The following CWH43 variants were observed in gnomAD, a reference collection of about 807,000 sequenced individuals.
CWH43 encodes the protein cell wall biogenesis 43 C-terminal homolog.
In CWH43, 91 loss-of-function variants were observed where a neutral mutation model predicts 85.7. That is an observed-to-expected ratio of 1.06 (90% CI 0.90 to 1.26). The LOEUF (loss-of-function observed/expected upper bound fraction) is 1.26. Ranked by LOEUF, CWH43 falls within the 50% of genes most tolerant of loss-of-function variation. The probability of loss-of-function intolerance (pLI) is 0.00; values close to 1 mark genes in which losing one functional copy is unlikely to be tolerated. For missense variants in CWH43, 869 were observed against 839.2 expected, an observed-to-expected ratio of 1.04 and a Z score of -0.44; for synonymous variants, 323 against 293.6, an observed-to-expected ratio of 1.10 and a Z score of -1.02.
In CWH43 at chr4:49,037,545, G is replaced by A. The variant is rs1489475862; in HGVS notation, c.1659-491G>A. Among the ~76,000 whole-genome samples, 12 of 151,114 alleles carry A rather than the reference G, an allele frequency of 7.9e-5. 1 individual carries two copies. Among genetic ancestry groups the A allele is most frequent in the South Asian group, 6.4e-4 (3 of 4,720 alleles). Reference sequence around the variant, plus strand: ...AGATTGTGCCATTGCACTCCAGTCCGGGTGTCAGTGTGAGACTCTGTCTCA... The same window carrying A: ...AGATTGTGCCATTGCACTCCAGTCCAGGTGTCAGTGTGAGACTCTGTCTCA... On this transcript the variant is annotated intron_variant, in intron 12 of 15. Transcript: ENST00000226432.
chr4:48,995,210 A>G (rs1393701312), intron 5 of CWH43, among the ~76,000 whole-genome samples: 1 of 152,172 alleles, frequency 6.6e-6, no homozygotes. Flanking sequence ...GGATAAGACC[A>G]CAGTCCCCTG....
At chr4:49,036,585 A>G (rs1465172536) in intron 12 of CWH43, among the ~76,000 whole-genome samples, 3 of 152,116 alleles carry the variant, frequency 2.0e-5, no homozygotes. Context: ...TTCCCCCTTA[A>G]CACTCATGTA....
intron 14 of CWH43, 54 bp downstream of exon 14, chr4:49,044,901 GGTCT>G: frequency 6.9e-7 from 1 of 1,459,242 alleles, no homozygotes; most frequent in Non-Finnish European, 9.5e-7. Flanking sequence ...TGATCTTTTG[GGTCT>G]GTCTGAGAAG....
rs149632580 is a variant in CWH43, at chr4:49,039,651, G to A, written c.1803+1471G>A. 4.5e-3 allele frequency among the ~76,000 whole-genome samples: 674 copies of A among 151,322 alleles called. 4 individuals are homozygous for A. Among genetic ancestry groups the A allele is most frequent in the South Asian group, 0.01 (50 of 4,792 alleles). On this transcript the variant is annotated intron_variant, in intron 13 of 15. Coordinates refer to ENST00000226432, the MANE Select transcript of CWH43 (RefSeq NM_025087.3). ...GGGTGTAACATTATTTACAGAGTTTGGATGACAGGTTAAAGAGCATGGCAT... is the reference window on the plus strand; with the variant it reads ...GGGTGTAACATTATTTACAGAGTTTAGATGACAGGTTAAAGAGCATGGCAT...
At chr4:49,008,809 C>T (rs1783252305) in intron 8 of CWH43, among the ~76,000 whole-genome samples, 1 of 152,024 alleles carries the variant, frequency 6.6e-6, no homozygotes, top group Non-Finnish European at 1.5e-5. Flanking sequence ...ATTTCTGAGG[C>T]CTCTGTTCTG....
chr4:49,059,851 G>A (rs1308315744), intron 15 of CWH43, among the ~76,000 whole-genome samples: 1 of 152,132 alleles, frequency 6.6e-6, no homozygotes, highest in Non-Finnish European at 1.5e-5. Context: ...GGGTAGATGT[G>A]TGGGGTTAGG....
rs1451722751 is a variant in CWH43, at chr4:49,060,220, TG to T, written c.2022-1589del. 5.9e-5 allele frequency among the ~76,000 whole-genome samples: 9 copies of T among 151,956 alleles called. No individual in the cohort carries two copies. The South Asian group carries it at 1.5e-3, about 25-fold the overall frequency. ...CTAGCACCAGGTTGGGCTTGGAGCC[TG>T]GGTCTGTGGGTATTGCTCTGGAGGC... On this transcript the variant is annotated intron_variant, in intron 15 of 15. Transcript: ENST00000226432.
chr4:49,026,742 T>A (rs1477926218), intron 9 of CWH43, among the ~76,000 whole-genome samples: 1 of 152,214 alleles, frequency 6.6e-6, no homozygotes, highest in African/African-American at 2.4e-5. Flanking sequence ...CTGAGTAGTA[T>A]CCCATGGTGT....
chr4:48,993,121 A>T (rs1782708508), intron 4 of CWH43, among the ~76,000 whole-genome samples: 1 of 152,162 alleles, frequency 6.6e-6, no homozygotes, highest in African/African-American at 2.4e-5. Context: ...CCTGGCTGGC[A>T]GTCCCTTCCT....
chr4:49,017,875 G>A (rs770965409), intron 9 of CWH43, among the ~76,000 whole-genome samples: 31 of 151,624 alleles, frequency 2.0e-4, no homozygotes, highest in Admixed American at 1.3e-3. Context: ...TCACTCTGCC[G>A]CCCGGCTGGA....
At chr4:49,009,269 C>G (rs1413226231) in intron 8 of CWH43, among the ~76,000 whole-genome samples, 4 of 152,068 alleles carry the variant, frequency 2.6e-5, no homozygotes, top group African/African-American at 4.8e-5. Context: ...TGATTTGGCT[C>G]TCTGTTTGTC....
chr4:49,061,409 CAA>C (rs1055163757), intron 15 of CWH43, among the ~76,000 whole-genome samples: 21 of 152,280 alleles, frequency 1.4e-4, no homozygotes, highest in African/African-American at 5.1e-4. Flanking sequence ...TATTCATGTG[CAA>C]AGAGTTAATC....
At chr4:48,997,968 A>G (rs1030419571) in intron 5 of CWH43, among the ~76,000 whole-genome samples, 3 of 152,166 alleles carry the variant, frequency 2.0e-5, no homozygotes, top group African/African-American at 7.2e-5. Context: ...ACTTTTTGCC[A>G]AAATAGCAAC....
intron 8 of CWH43, among the ~76,000 whole-genome samples, chr4:49,012,625 C>T (rs1783400680): frequency 1.3e-5 from 2 of 152,082 alleles, no homozygotes; most frequent in South Asian, 4.1e-4. Context: ...TATCTTTGGT[C>T]TTTGATGTTG....
At chr4:49,032,933 C>T (rs369139084) in intron 12 of CWH43, among the ~76,000 whole-genome samples, 10 of 152,246 alleles carry the variant, frequency 6.6e-5, no homozygotes, top group East Asian at 3.9e-4. Flanking sequence ...TCTGCATTTA[C>T]TGAGCTGTAC....
At chr4:49,051,651 A>C (rs1430603259) in intron 15 of CWH43, among the ~76,000 whole-genome samples, 2 of 152,132 alleles carry the variant, frequency 1.3e-5, no homozygotes, top group African/African-American at 4.8e-5. Context: ...ATCTCAGCTC[A>C]CTGCAACCTC....
chr4:48,993,217 G>A (rs1782710775), intron 4 of CWH43, among the ~76,000 whole-genome samples: 1 of 152,116 alleles, frequency 6.6e-6, no homozygotes, highest in African/African-American at 2.4e-5. Flanking sequence ...AGTATTTTTT[G>A]TAGTTTCCTT....
Position 49,032,592 on chromosome 4 carries a change from T to C in CWH43, c.1535T>C (p.Ile512Thr). The C allele has an allele frequency of 1.9e-6, 3 of 1,614,030 alleles. No homozygotes were observed. The highest frequency in any genetic ancestry group is 2.2e-5 in the East Asian group (1 of 44,882). ...ATTATGGCTTTGTCAAGATACCCAA[T>C]TGTGAAATCTGAGCATCACCTTCTT... ...WGIMALSRYP[I>T]VKSEHHLLPS... Residue 512 changes from isoleucine (I) to threonine (T), a missense_variant, in exon 12 of 16, where the codon ATT (isoleucine) becomes ACT (threonine). Transcript: ENST00000226432.
intron 2 of CWH43, among the ~76,000 whole-genome samples, chr4:48,989,133 C>T (rs1199035965): frequency 6.6e-6 from 1 of 152,134 alleles, no homozygotes; most frequent in Non-Finnish European, 1.5e-5. Context: ...ATATAGAGTT[C>T]CTACAAACCA....
Sources: allele counts gnomAD v4.1 joint callset (sites outside exome capture counted in the v4.1 genomes callset), GRCh38; gene constraint gnomAD v4.1.1; transcripts MANE v1.5; gene names NCBI Gene and HGNC (gene_info 2026-07-23, HGNC 2026-07-21).